The following TXNL1 variants were observed in gnomAD, a reference collection of about 807,000 sequenced individuals.
TXNL1 encodes thioredoxin like 1.
TXNL1 carries 14 observed loss-of-function variants against 35.5 expected under a neutral mutation model. The ratio of observed to expected loss-of-function variants is 0.39; its 90% confidence interval spans 0.26 to 0.62. TXNL1 has a LOEUF of 0.62. TXNL1 is among the 20% of genes least tolerant of loss of function. The probability of loss-of-function intolerance (pLI) is 0.47; values close to 1 mark genes in which losing one functional copy is unlikely to be tolerated. For synonymous variants in TXNL1, 110 were observed against 115.5 expected, an observed-to-expected ratio of 0.95 and a Z score of 0.31; for missense variants, 263 against 349.7, an observed-to-expected ratio of 0.75 and a Z score of 1.98.
At chr18:56,627,285 T>C (rs1054446085) in intron 1 of TXNL1, among the ~76,000 whole-genome samples, 1 of 152,200 alleles carries the variant, frequency 6.6e-6, no homozygotes, top group Non-Finnish European at 1.5e-5. Context: ...AGGAATTTAC[T>C]CTGCTTATGA....
chr18:56,616,095 G>T, intron 5 of TXNL1, 150 bp downstream of exon 5: 1 of 594,742 alleles, frequency 1.7e-6, no homozygotes, highest in Non-Finnish European at 2.8e-6. Context: ...TTGCACCACC[G>T]CACTCCAGCC....
chr18:56,604,778 G>C (rs986715023), intron 7 of TXNL1, among the ~76,000 whole-genome samples: 2 of 151,750 alleles, frequency 1.3e-5, no homozygotes, highest in South Asian at 2.1e-4. Flanking sequence ...ATTCCAACGA[G>C]GAAAAGAAAA....
rs2023805221 is a variant in TXNL1 at position 56,601,113 on chromosome 18, A to G, written c.*1914T>C. 1 of 14,430 alleles carries G rather than the reference A, an allele frequency of 6.9e-5. No homozygotes were observed. Among genetic ancestry groups the G allele is most frequent in the Non-Finnish European group, 3.7e-3 (1 of 272 alleles). The allele number at this position is 14,430 out of a possible 1,614,324, so 0.9% of individuals were successfully genotyped here. A position where few individuals can be genotyped will look rare whatever the true frequency, so the allele number is the denominator to read the frequency against. On this transcript the variant is annotated 3_prime_UTR_variant, in exon 8 of 8. Transcript: ENST00000217515. ...TGTTATATATAAATGTTACATATACATATGTGTGTATATATATATACTGTT... is the reference window on the plus strand; with the variant it reads ...TGTTATATATAAATGTTACATATACGTATGTGTGTATATATATATACTGTT...
chr18:56,636,998 TA>T (rs1346660789), intron 1 of TXNL1, among the ~76,000 whole-genome samples: 1 of 152,208 alleles, frequency 6.6e-6, no homozygotes, highest in African/African-American at 2.4e-5. Flanking sequence ...ACATTCCTTT[TA>T]GGTGTTTTAT....
At chr18:56,611,931 C>T (rs930353130) in intron 6 of TXNL1, among the ~76,000 whole-genome samples, 1 of 151,128 alleles carries the variant, frequency 6.6e-6, no homozygotes, top group African/African-American at 2.4e-5. Flanking sequence ...TCACTGCAAC[C>T]TCCACCTCTC....
rs894234224 is a variant in TXNL1 at position 56,614,595 on chromosome 18, A to C, written c.564T>G (p.Gly188=). 9 of 1,608,906 alleles carry C rather than the reference A, an allele frequency of 5.6e-6. No individual in the cohort carries two copies. The highest frequency in any genetic ancestry group is 7.6e-6 in the Non-Finnish European group (9 of 1,178,556). ...YSMKFQGPDN[G]QGPKYVKIFI... Reference sequence around the variant, plus strand: ...AAATTTTTACATATTTAGGGCCCTGACCTATACAATGGTAGAATAAAATAA... The same window carrying C: ...AAATTTTTACATATTTAGGGCCCTGCCCTATACAATGGTAGAATAAAATAA... Residue 188 remains glycine, a splice_region_variant and synonymous_variant, in exon 6 of 8, where the codon GGT becomes GGG. Coordinates refer to ENST00000217515, the MANE Select transcript of TXNL1 (RefSeq NM_004786.3).
At chr18:56,607,306 C>A (rs1316421507) in intron 7 of TXNL1, among the ~76,000 whole-genome samples, 1 of 151,676 alleles carries the variant, frequency 6.6e-6, no homozygotes, top group Non-Finnish European at 1.5e-5. Flanking sequence ...GTGCACCCAC[C>A]GTCTTGCATG....
chr18:56,612,014 A>C (rs578223168), intron 6 of TXNL1, among the ~76,000 whole-genome samples: 2,169 of 123,866 alleles, frequency 0.018, 26 homozygotes, highest in Non-Finnish European at 0.026. Context: ...ACGCCCGGCT[A>C]ATCTTTTTTT....
rs1417544619 is a variant in TXNL1 at position 56,601,019 on chromosome 18, T to C, written c.*2008A>G. The C allele has an allele frequency of 1.3e-5, 2 of 152,202 alleles. No homozygotes were observed. The highest frequency in any genetic ancestry group is 2.9e-5 in the Non-Finnish European group (2 of 68,024). The allele number at this position is 152,202 out of a possible 1,614,324, so 9.4% of individuals were successfully genotyped here. Reference sequence around the variant, plus strand: ...AATACCAGTTTTCTAGATGCACTAATAAATAACTTCAGTTAAAATAACTAG... The same window carrying C: ...AATACCAGTTTTCTAGATGCACTAACAAATAACTTCAGTTAAAATAACTAG... On this transcript the variant is annotated 3_prime_UTR_variant, in exon 8 of 8. Coordinates refer to ENST00000217515, the MANE Select transcript of TXNL1 (RefSeq NM_004786.3).
chr18:56,601,662 A>C lies in TXNL1; in HGVS notation c.*1365T>G, dbSNP rs1285938097. 6.6e-6 allele frequency: 1 copy of C among 152,182 alleles called. No individual in the cohort carries two copies. Among genetic ancestry groups the C allele is most frequent in the Non-Finnish European group, 1.5e-5 (1 of 68,034 alleles). The allele number at this position is 152,182 out of a possible 1,614,324, so 9.4% of individuals were successfully genotyped here. ...TAAAACTTCTGTAGAATTTTTTCAT[A>C]AACAAGTATAAACACACTGCTCTCA... On this transcript the variant is annotated 3_prime_UTR_variant, in exon 8 of 8. Transcript: ENST00000217515.
chr18:56,606,475 C>T (rs1377563741), intron 7 of TXNL1, among the ~76,000 whole-genome samples: 1 of 152,216 alleles, frequency 6.6e-6, no homozygotes, highest in Non-Finnish European at 1.5e-5. Context: ...GTGACTTGTC[C>T]TTGAACGATT....
At chr18:56,626,542 C>A in intron 1 of TXNL1, 85 bp from the exon 2 acceptor site, 2 of 1,164,108 alleles carry the variant, frequency 1.7e-6, no homozygotes, top group Non-Finnish European at 2.5e-6. Flanking sequence ...ATAGAACAAA[C>A]ACTGATACTG....
chr18:56,622,777 A>C (rs1457718317), intron 3 of TXNL1, among the ~76,000 whole-genome samples: 1 of 152,228 alleles, frequency 6.6e-6, no homozygotes, highest in Non-Finnish European at 1.5e-5. Flanking sequence ...AAAAAAATAC[A>C]AAGATATAAA....
At chr18:56,605,442 T>C (rs1244626389) in intron 7 of TXNL1, among the ~76,000 whole-genome samples, 4 of 152,222 alleles carry the variant, frequency 2.6e-5, no homozygotes, top group Admixed American at 6.5e-5. Flanking sequence ...AATGGCCAGT[T>C]TAGAAAAGTC....
chr18:56,633,983 CAAAAAAAAAAAAA>C (rs71169380), intron 1 of TXNL1, among the ~76,000 whole-genome samples: 1 of 51,318 alleles, frequency 1.9e-5, no homozygotes, highest in African/African-American at 9.8e-5. Flanking sequence ...GACTCCATCT[CAAAAAAAAAAAAA>C]AAAAAAAAAA....
chr18:56,635,611 G>A (rs1251656057), intron 1 of TXNL1, among the ~76,000 whole-genome samples: 1 of 152,214 alleles, frequency 6.6e-6, no homozygotes, highest in Middle Eastern at 3.2e-3. Flanking sequence ...GGTAGATGGG[G>A]AGGGGCAAAT....
At chr18:56,632,432 C>G (rs965541350) in intron 1 of TXNL1, among the ~76,000 whole-genome samples, 1 of 152,104 alleles carries the variant, frequency 6.6e-6, no homozygotes, top group Admixed American at 6.5e-5. Context: ...CTGTATGTTA[C>G]GCATTCACAA....
At chr18:56,604,016 GTCA>G (rs2023850569) in intron 7 of TXNL1, among the ~76,000 whole-genome samples, 1 of 152,020 alleles carries the variant, frequency 6.6e-6, no homozygotes, top group Non-Finnish European at 1.5e-5. Flanking sequence ...ACATAGCTGG[GTCA>G]ACATCATTCA....
intron 7 of TXNL1, among the ~76,000 whole-genome samples, chr18:56,604,893 C>T (rs2023864328): frequency 6.6e-6 from 1 of 151,976 alleles, no homozygotes; most frequent in South Asian, 2.1e-4. Context: ...TCTATAGTTC[C>T]TAGGAAATAA....
Sources: gnomAD v4.1 joint callset for allele counts (sites outside exome capture counted in the v4.1 genomes callset) on GRCh38, gnomAD v4.1.1 for gene constraint, MANE v1.5 for transcripts, NCBI Gene and HGNC (gene_info 2026-07-23, HGNC 2026-07-21) for gene names.